Variants in TEFM observed in about 807,000 individuals in gnomAD.
The protein encoded by TEFM is transcription elongation factor of mitochondria.
In TEFM, 14 loss-of-function variants were observed where a neutral mutation model predicts 23.0. The ratio of observed to expected loss-of-function variants is 0.61; its 90% confidence interval spans 0.40 to 0.95. TEFM has a LOEUF of 0.95. TEFM is among the 40% of genes least tolerant of loss of function. The pLI, the probability that TEFM is intolerant of heterozygous loss-of-function variation, is 0.00. For synonymous variants in TEFM, 155 were observed against 158.3 expected (o/e 0.98, Z 0.16); for missense variants, 386 against 425.5 (o/e 0.91, Z 0.82).
At position 30,899,447 on chromosome 17, in the gene TEFM, CA is replaced by C. The variant is rs774728015; in HGVS notation, c.804del (p.Asp268GlufsTer7). The C allele has an allele frequency of 1.2e-6, 2 of 1,614,176 alleles. No homozygotes were observed. The highest frequency in any genetic ancestry group is 4.5e-5 in the East Asian group (2 of 44,884). ...YALLNKTFAQ[D>X]GQHQVLSMNR... Reference sequence around the variant, plus strand: ...TTCATGCTCAGCACCTGATGCTGCCCATCCTGGGCAAAAGTTTTATTTAATA... The same window carrying C: ...TTCATGCTCAGCACCTGATGCTGCCCTCCTGGGCAAAAGTTTTATTTAATA... On this transcript the variant is annotated frameshift_variant, in exon 4 of 4. Coordinates refer to ENST00000581216, the MANE Select transcript of TEFM (RefSeq NM_024683.4). LOFTEE classifies it high-confidence loss of function.
chr17:30,905,618 A>G (rs1252253135), intron 1 of TEFM, among the ~76,000 whole-genome samples: 2 of 152,206 alleles, frequency 1.3e-5, no homozygotes, highest in Non-Finnish European at 2.9e-5. Flanking sequence ...TACGTTTATA[A>G]GAAATGTTTC....
Position 30,906,208 on chromosome 17 carries a change from G to T in TEFM, c.-10C>A, listed in dbSNP as rs1442020737. 1.2e-6 allele frequency: 2 copies of T among 1,614,274 alleles called. No individual in the cohort carries two copies. Among genetic ancestry groups the T allele is most frequent in the East Asian group, 2.2e-5 (1 of 44,890 alleles). ...GGACAGACCCGCTCATCTCCAAGTT[G>T]AATCAGTAGGTCCAGTCTTCCTCCA... On this transcript the variant is annotated 5_prime_UTR_variant, in exon 1 of 4. Coordinates refer to ENST00000581216, the MANE Select transcript of TEFM (RefSeq NM_024683.4).
At position 30,904,483 on chromosome 17, in the gene TEFM, C is replaced by G. The variant is rs1260098567; in HGVS notation, c.78G>C (p.Trp26Cys). Residue 26 changes from tryptophan (W) to cysteine (C), a missense_variant, in exon 2 of 4, where the codon TGG becomes TGC. Coordinates refer to ENST00000581216, the MANE Select transcript of TEFM (RefSeq NM_024683.4). The stretch of plus-strand genomic sequence containing the variant: ...TCCGACAGCAGAAATTATGTAAGGC[C>G]CAGTACAGGGATGACCTCGACGGGG... The part of the protein sequence containing the change: ...FLTPSRSSLY[W>C]ALHNFCCRKK... 6 of 1,613,894 alleles carry G rather than the reference C, an allele frequency of 3.7e-6. No individual in the cohort carries two copies. In the African/African-American group the frequency reaches 8.0e-5, roughly 22 times the overall value.
At chr17:30,905,898 A>G (rs1456330002) in intron 1 of TEFM, among the ~76,000 whole-genome samples, 1 of 152,218 alleles carries the variant, frequency 6.6e-6, no homozygotes, top group African/African-American at 2.4e-5. Flanking sequence ...CTGCCCCGTC[A>G]GCTAGGCTGG....
chr17:30,904,117 G>C lies in TEFM; in HGVS notation c.444C>G (p.Asn148Lys). 6.2e-7 allele frequency: 1 copy of C among 1,614,036 alleles called. No homozygotes were observed. Residue 148 changes from asparagine to lysine, a missense_variant, in exon 2 of 4, where the codon AAC becomes AAG. By Grantham distance (94) the Asn-to-Lys change is moderately conservative. Transcript: ENST00000581216. Reference sequence around the variant, plus strand: ...GTTTGAGGAGCTTTCTCAGGAACCGGTTTTCCGGTGACTTTCTTTTTTCCC... The same window carrying C: ...GTTTGAGGAGCTTTCTCAGGAACCGCTTTTCCGGTGACTTTCTTTTTTCCC... ...TGREKRKSPE[N>K]RFLRKLLKPD...
intron 1 of TEFM, among the ~76,000 whole-genome samples, chr17:30,904,956 G>C (rs1166642952): frequency 6.6e-6 from 1 of 152,048 alleles, no homozygotes; most frequent in Non-Finnish European, 1.5e-5. Context: ...GGGATTACAG[G>C]CGTGAGCCAC....
Position 30,899,064 on chromosome 17 carries a change from T to TA in TEFM, c.*104dup. Reference sequence around the variant, plus strand: ...AGCCAAAAGTCAGAATTTAAACATCTAAAATACACTGAAAATGTGTTCTTT... The same window carrying TA: ...AGCCAAAAGTCAGAATTTAAACATCTAAAAATACACTGAAAATGTGTTCTTT... On this transcript the variant is annotated 3_prime_UTR_variant, in exon 4 of 4. Transcript: ENST00000581216. The TA allele has an allele frequency of 8.7e-7, 1 of 1,152,778 alleles. No homozygotes were observed. Among genetic ancestry groups the TA allele is most frequent in the Non-Finnish European group, 1.2e-6 (1 of 824,558 alleles). The allele number at this position is 1,152,778 out of a possible 1,614,324, so 71.4% of individuals were successfully genotyped here.
intron 2 of TEFM, 148 bp from the exon 3 acceptor site, chr17:30,900,710 T>A: frequency 1.5e-6 from 1 of 665,664 alleles, no homozygotes; most frequent in Non-Finnish European, 2.4e-6. Flanking sequence ...CATGCCATTC[T>A]CCTGCCTCAG....
intron 2 of TEFM, among the ~76,000 whole-genome samples, chr17:30,903,319 C>T (rs1259566636): frequency 6.7e-6 from 1 of 148,522 alleles, no homozygotes; most frequent in Non-Finnish European, 1.5e-5. Flanking sequence ...CTCTGCCTCC[C>T]AGGTTCAAGA....
Position 30,899,013 on chromosome 17 carries a change from T to G in TEFM, c.*156A>C. 1 of 690,284 alleles carries G rather than the reference T, an allele frequency of 1.4e-6. No homozygotes were observed. Among genetic ancestry groups the G allele is most frequent in the Non-Finnish European group, 2.4e-6 (1 of 414,852 alleles). 42.8% of individuals were successfully genotyped at this position (690,284 alleles called of 1,614,324 possible). ...TCATAAAATGTTTATTGATTTGGTC[T>G]TGGCTTATTGTGTAAACCATTTAAT... On this transcript the variant is annotated 3_prime_UTR_variant, in exon 4 of 4. Transcript: ENST00000581216.
intron 1 of TEFM, 115 bp from the exon 2 acceptor site, chr17:30,904,644 T>A: frequency 1.5e-6 from 1 of 685,678 alleles, no homozygotes; most frequent in Non-Finnish European, 2.4e-6. Context: ...ATTTAAGAAC[T>A]AATAGAGGAC....
Position 30,901,619 on chromosome 17 carries a change from T to C in TEFM, c.496-1057A>G, listed in dbSNP as rs114562573. ...GACATCTCACACTCTGGCAGTAGAA[T>C]AAAGACTGAATAGGAAAAGGGCAGA... On this transcript the variant is annotated intron_variant, in intron 2 of 3. Transcript: ENST00000581216. Among the ~76,000 whole-genome samples the C allele has an allele frequency of 5.1e-3, 783 of 152,216 alleles. 13 individuals carry two copies. Among genetic ancestry groups the C allele is most frequent in the African/African-American group, 0.018 (743 of 41,522 alleles).
chr17:30,900,463 G>C lies in TEFM; in HGVS notation c.595C>G (p.Arg199Gly), dbSNP rs370890792. 5.0e-6 allele frequency: 8 copies of C among 1,614,018 alleles called. No homozygotes were observed. The African/African-American group carries it at 8.0e-5, about 16-fold the overall frequency. The change falls in exon 3 of 4, where the codon CGT (arginine) becomes GGT (glycine). Residue 199 changes from arginine to glycine, a missense_variant. Transcript: ENST00000581216. ...TATATTCCTCTCATTAAACTCCAAC[G>C]GTCACTTTGCTGCCAGTCCAGCACT... ...LTVLDWQQSD[R>G]WSLMRGIYSS...
rs1384594102 is a variant in TEFM, at chr17:30,900,408, C to T, written c.645+5G>A. On this transcript the variant is annotated splice_donor_5th_base_variant and intron_variant, in intron 3 of 3. Transcript: ENST00000581216. ...GGTAGGAATCTGGAGGTGCAACTGC[C>T]TTACCTCTTCTAAATAGACTGATGA... 1.2e-6 allele frequency: 2 copies of T among 1,613,818 alleles called. No homozygotes were observed. Among genetic ancestry groups the T allele is most frequent in the Non-Finnish European group, 1.7e-6 (2 of 1,179,910 alleles).
At chr17:30,905,858 G>A (rs1386569683) in intron 1 of TEFM, among the ~76,000 whole-genome samples, 1 of 152,188 alleles carries the variant, frequency 6.6e-6, no homozygotes, top group Non-Finnish European at 1.5e-5. Context: ...CGTGGACCCT[G>A]AGGCCGGGGA....
At chr17:30,901,319 A>C (rs981093496) in intron 2 of TEFM, among the ~76,000 whole-genome samples, 5 of 152,118 alleles carry the variant, frequency 3.3e-5, no homozygotes, top group Non-Finnish European at 5.9e-5. Context: ...CCAAGGAGTA[A>C]TTATTATTAA....
intron 2 of TEFM, among the ~76,000 whole-genome samples, chr17:30,901,167 C>T (rs1425648972): frequency 1.3e-5 from 2 of 152,020 alleles, no homozygotes; most frequent in South Asian, 4.1e-4. Context: ...ATTACAGGTA[C>T]CTGCCACCAC....
At chr17:30,899,658 T>C in intron 3 of TEFM, 52 bp from the exon 4 acceptor site, 2 of 1,290,574 alleles carry the variant, frequency 1.5e-6, no homozygotes, top group Non-Finnish European at 2.1e-6. Flanking sequence ...TTACATTTTA[T>C]GTTTGGTCCC....
At chr17:30,901,296 C>T (rs1910042345) in intron 2 of TEFM, among the ~76,000 whole-genome samples, 1 of 152,190 alleles carries the variant, frequency 6.6e-6, no homozygotes, top group Non-Finnish European at 1.5e-5. Context: ...GCTGGGATTA[C>T]AGGTGTGAGC....
Sources: gnomAD v4.1 joint callset for allele counts (sites outside exome capture counted in the v4.1 genomes callset) on GRCh38, gnomAD v4.1.1 for gene constraint, MANE v1.5 for transcripts, NCBI Gene and HGNC (gene_info 2026-07-23, HGNC 2026-07-21) for gene names.